Variants in KLF8 observed in about 807,000 individuals in gnomAD.
KLF8 encodes Krueppel-like factor 8.
A neutral mutation model predicts 18.2 loss-of-function variants in KLF8; 10 were observed. That is an observed-to-expected ratio of 0.55 (90% CI 0.34 to 0.93). KLF8 has a LOEUF of 0.93. Ranked by LOEUF, KLF8 falls within the 40% of genes least tolerant of loss-of-function variation. The pLI, the probability that KLF8 is intolerant of heterozygous loss-of-function variation, is 0.02. For synonymous variants in KLF8, 109 were observed against 97.3 expected (o/e 1.12, Z -0.71); for missense variants, 264 against 277.9 (o/e 0.95, Z 0.36).
the KLF8 span, among the ~76,000 whole-genome samples, chrX:56,012,398 C>T: frequency 3.6e-5 from 4 of 111,710 alleles, no homozygotes; most frequent in Non-Finnish European, 3.8e-5. Context: ...TTCAACATCC[C>T]TTCATATTAA....
At chrX:56,251,780 G>T (rs1417381631) in intron 2 of KLF8, among the ~76,000 whole-genome samples, 1 of 110,574 alleles carries the variant, frequency 9.0e-6, no homozygotes. Context: ...ATTTTTGTAG[G>T]TACATAGTAG....
the KLF8 span, among the ~76,000 whole-genome samples, chrX:56,133,863 C>T: frequency 9.1e-6 from 1 of 110,012 alleles, no homozygotes; most frequent in African/African-American, 3.3e-5. Flanking sequence ...CTCTGCTATA[C>T]ACCAACAGTG....
the KLF8 span, among the ~76,000 whole-genome samples, chrX:56,050,283 T>C: frequency 8.9e-6 from 1 of 111,965 alleles, no homozygotes; most frequent in Non-Finnish European, 1.9e-5. Context: ...TCTGCTGTGA[T>C]TTTAGTTATT....
intron 4 of KLF8, 36 bp downstream of exon 4, chrX:56,269,525 A>ATG (rs35519867): frequency 2.5e-3 from 2,591 of 1,034,270 alleles, no homozygotes; most frequent in Middle Eastern, 2.9e-3. Flanking sequence ...GTCTTTGTGT[A>ATG]TGTGTGTGTG....
the KLF8 span, among the ~76,000 whole-genome samples, chrX:55,962,994 G>A: frequency 8.9e-6 from 1 of 112,171 alleles, no homozygotes; most frequent in Non-Finnish European, 1.9e-5. Context: ...AAACCAATCA[G>A]TATGCTGACA....
chrX:56,280,470 A>C (rs1376561963), intron 5 of KLF8, among the ~76,000 whole-genome samples: 1 of 112,205 alleles, frequency 8.9e-6, no homozygotes, highest in Admixed American at 9.4e-5. Context: ...TTCTGGACTC[A>C]AGTGATCCTC....
the KLF8 span, among the ~76,000 whole-genome samples, chrX:56,017,362 G>A: frequency 8.9e-6 from 1 of 112,459 alleles, no homozygotes; most frequent in Non-Finnish European, 1.9e-5. Context: ...TGCCTGGTCA[G>A]AGGCTCCTGA....
chrX:56,114,614 G>T, the KLF8 span, among the ~76,000 whole-genome samples: 1 of 112,609 alleles, frequency 8.9e-6, no homozygotes, highest in Non-Finnish European at 1.9e-5. Flanking sequence ...ATTGCATATG[G>T]ACATAGACAT....
At chrX:56,189,029 T>C in the KLF8 span, among the ~76,000 whole-genome samples, 1 of 111,580 alleles carries the variant, frequency 9.0e-6, no homozygotes, top group African/African-American at 3.3e-5. Flanking sequence ...TGGGATCTAA[T>C]TAAACTCAAG....
the KLF8 span, among the ~76,000 whole-genome samples, chrX:56,007,340 T>G: frequency 1.8e-5 from 2 of 111,006 alleles, no homozygotes; most frequent in Non-Finnish European, 3.8e-5. Flanking sequence ...AGCAGCTGCT[T>G]GGGTCCCAGA....
the KLF8 span, among the ~76,000 whole-genome samples, chrX:56,077,997 C>T: frequency 1.8e-5 from 2 of 111,991 alleles, no homozygotes; most frequent in Non-Finnish European, 3.8e-5. Context: ...CTTTCGTATC[C>T]TGAGACTTTG....
chrX:55,990,690 C>G, the KLF8 span, among the ~76,000 whole-genome samples: 1 of 111,963 alleles, frequency 8.9e-6, no homozygotes, highest in Admixed American at 9.4e-5. Context: ...TGTGGATGTC[C>G]TTTCTGTTTG....
chrX:55,974,910 C>A, the KLF8 span, among the ~76,000 whole-genome samples: 1 of 112,003 alleles, frequency 8.9e-6, no homozygotes, highest in Non-Finnish European at 1.9e-5. Context: ...GTTTTTGTGT[C>A]CTCTTTGATT....
the KLF8 span, among the ~76,000 whole-genome samples, chrX:56,188,876 G>T: frequency 8.9e-6 from 1 of 111,828 alleles, no homozygotes; most frequent in Non-Finnish European, 1.9e-5. Flanking sequence ...AATTCAAGAT[G>T]GATGAAAGAC....
the KLF8 span, among the ~76,000 whole-genome samples, chrX:56,075,385 T>C: frequency 9.0e-6 from 1 of 111,044 alleles, no homozygotes; most frequent in African/African-American, 3.3e-5. Flanking sequence ...TTTTAATTTT[T>C]CTGAGTACAT....
At chrX:56,016,584 T>C in the KLF8 span, among the ~76,000 whole-genome samples, 2 of 111,747 alleles carry the variant, frequency 1.8e-5, no homozygotes, top group African/African-American at 6.5e-5. Flanking sequence ...AAATAAGCCA[T>C]GAATCTCCAC....
At chrX:56,007,075 G>A in the KLF8 span, among the ~76,000 whole-genome samples, 1 of 112,306 alleles carries the variant, frequency 8.9e-6, no homozygotes, top group East Asian at 2.8e-4. Context: ...AGCAGCCCTA[G>A]GCAAGTGGCT....
At chrX:55,941,251 CAA>C in the KLF8 span, among the ~76,000 whole-genome samples, 1 of 111,902 alleles carries the variant, frequency 8.9e-6, no homozygotes, top group Non-Finnish European at 1.9e-5. Flanking sequence ...ACAAACCTGA[CAA>C]AAACAAGTAA....
chrX:56,258,373 C>T (rs1005277527), intron 2 of KLF8, among the ~76,000 whole-genome samples: 12 of 111,900 alleles, frequency 1.1e-4, no homozygotes, highest in African/African-American at 2.0e-4. Flanking sequence ...CCTGCGTTCA[C>T]GCCATTCTCC....
Sources: gnomAD v4.1 joint callset for allele counts (sites outside exome capture counted in the v4.1 genomes callset) on GRCh38, gnomAD v4.1.1 for gene constraint, MANE v1.5 for transcripts, NCBI Gene and HGNC (gene_info 2026-07-23, HGNC 2026-07-21) for gene names.